Variants in TBCK observed in about 807,000 individuals in gnomAD.
TBCK encodes the protein TBC domain-containing protein kinase-like protein.
TBCK carries 99 observed loss-of-function variants against 113.4 expected under a neutral mutation model. That is an observed-to-expected ratio of 0.87 (90% CI 0.74 to 1.03). TBCK has a LOEUF of 1.03. Among genes scored for constraint, TBCK ranks in the 50% least tolerant of loss-of-function variants. The pLI, the probability that TBCK is intolerant of heterozygous loss-of-function variation, is 0.00. For missense variants in TBCK, 1,045 were observed against 1,061.3 expected (o/e 0.98, Z 0.21); for synonymous variants, 369 against 370.8 (o/e 1.00, Z 0.05).
chr4:106,235,367 C>G lies in TBCK; in HGVS notation c.1351G>C (p.Ala451Pro). 6.3e-7 allele frequency: 1 copy of G among 1,587,632 alleles called. No individual in the cohort carries two copies. The highest frequency in any genetic ancestry group is 8.6e-7 in the Non-Finnish European group (1 of 1,165,202). ...RIILFDRLLK[A>P]YPYKKNQIWK... ...ATTTGGTTTTTTTTATATGGATAAGCCTATGATATCAAAAAAGAAATGAAA... is the reference window on the plus strand; with the variant it reads ...ATTTGGTTTTTTTTATATGGATAAGGCTATGATATCAAAAAAGAAATGAAA... The change falls in exon 15 of 26, where the codon GCT becomes CCT. Residue 451 changes from alanine to proline, a missense_variant and splice_region_variant. Transcript: ENST00000394708.
rs1272537901 is a variant in TBCK, at chr4:106,316,049, A to G, written c.-148T>C. ...TACGGCTTAGTGCACCAGACGCTGC[A>G]TTTCAGGTGCTCCTACAAAAGAGGC... On this transcript the variant is annotated 5_prime_UTR_variant, in exon 1 of 26. It removes an upstream start codon present in the reference 5' UTR. Coordinates refer to ENST00000394708, the MANE Select transcript of TBCK (RefSeq NM_001163435.3). 1.3e-5 allele frequency: 2 copies of G among 153,338 alleles called. No homozygotes were observed. Among genetic ancestry groups the G allele is most frequent in the African/African-American group, 4.8e-5 (2 of 41,468 alleles). 9.5% of individuals were successfully genotyped at this position (153,338 alleles called of 1,614,324 possible). A position where few individuals can be genotyped will look rare whatever the true frequency, so the allele number is the denominator to read the frequency against.
chr4:106,245,590 C>T (rs1242147240), intron 10 of TBCK, among the ~76,000 whole-genome samples: 1 of 152,096 alleles, frequency 6.6e-6, no homozygotes, highest in Admixed American at 6.6e-5. Context: ...CTTGATATTT[C>T]CCCTCTCCTA....
At chr4:106,094,730 C>T (rs2149517310) in intron 25 of TBCK, among the ~76,000 whole-genome samples, 1 of 152,278 alleles carries the variant, frequency 6.6e-6, no homozygotes, top group Middle Eastern at 3.4e-3. Flanking sequence ...TGGGAAGGCT[C>T]AGTCCTGCTT....
intron 3 of TBCK, among the ~76,000 whole-genome samples, chr4:106,280,112 G>A (rs1196827858): frequency 2.0e-5 from 3 of 151,890 alleles, no homozygotes; most frequent in Non-Finnish European, 2.9e-5. Flanking sequence ...TCTGTCTTTT[G>A]GATTAAAGCC....
intron 2 of TBCK, among the ~76,000 whole-genome samples, chr4:106,306,713 T>C (rs1207511855): frequency 6.6e-6 from 1 of 152,178 alleles, no homozygotes; most frequent in African/African-American, 2.4e-5. Flanking sequence ...CCTTTATTAC[T>C]TTTGCTTCAA....
At chr4:106,259,894 A>G (rs1470368916) in intron 5 of TBCK, among the ~76,000 whole-genome samples, 1 of 151,964 alleles carries the variant, frequency 6.6e-6, no homozygotes, top group Admixed American at 6.6e-5. Context: ...GGAGGGCAAC[A>G]TACATCTGCA....
intron 11 of TBCK, 97 bp downstream of exon 11, chr4:106,244,527 TTA>T: frequency 9.5e-7 from 1 of 1,052,334 alleles, no homozygotes; most frequent in Non-Finnish European, 1.2e-6. Flanking sequence ...AACAACCAAT[TTA>T]AAAAAAAAAA....
At chr4:106,092,174 G>A (rs1428854830) in intron 25 of TBCK, among the ~76,000 whole-genome samples, 1 of 152,158 alleles carries the variant, frequency 6.6e-6, no homozygotes, top group Non-Finnish European at 1.5e-5. Flanking sequence ...ACAGAGTGCT[G>A]ATTGGTGCAT....
chr4:106,129,888 A>C (rs1745672194), intron 23 of TBCK, among the ~76,000 whole-genome samples: 1 of 152,184 alleles, frequency 6.6e-6, no homozygotes, highest in Admixed American at 6.5e-5. Flanking sequence ...GGGTACAGAC[A>C]ATAGGAAGAG....
intron 24 of TBCK, among the ~76,000 whole-genome samples, chr4:106,106,048 T>G (rs1742113067): frequency 6.6e-6 from 1 of 151,686 alleles, no homozygotes; most frequent in South Asian, 2.1e-4. Flanking sequence ...ATCTCACAAT[T>G]CGAAGACTGG....
intron 19 of TBCK, among the ~76,000 whole-genome samples, chr4:106,218,990 A>T (rs1462910092): frequency 6.6e-6 from 1 of 152,048 alleles, no homozygotes; most frequent in African/African-American, 2.4e-5. Context: ...ACAATGATAG[A>T]CTGGATTAAG....
intron 22 of TBCK, among the ~76,000 whole-genome samples, chr4:106,184,004 C>T (rs1752718900): frequency 6.6e-6 from 1 of 151,996 alleles, no homozygotes; most frequent in Admixed American, 6.6e-5. Context: ...ATGCCAAGAG[C>T]ATTATAATTC....
At chr4:106,049,157 A>T (rs1427618657) in intron 25 of TBCK, among the ~76,000 whole-genome samples, 1 of 152,080 alleles carries the variant, frequency 6.6e-6, no homozygotes, top group Non-Finnish European at 1.5e-5. Flanking sequence ...TTCTTTGCTC[A>T]GTTATTCGGT....
At chr4:106,198,652 C>T (rs1041064406) in intron 20 of TBCK, among the ~76,000 whole-genome samples, 1 of 152,042 alleles carries the variant, frequency 6.6e-6, no homozygotes, top group African/African-American at 2.4e-5. Flanking sequence ...TATATATAAT[C>T]ATGGTAATCA....
At chr4:106,233,197 C>T in intron 16 of TBCK, 133 bp from the exon 17 acceptor site, 6 of 876,086 alleles carry the variant, frequency 6.8e-6, no homozygotes, top group South Asian at 6.1e-5. Context: ...TTCTTAAGTG[C>T]CTAATTTTTT....
chr4:106,289,211 T>C (rs995146967), intron 3 of TBCK, among the ~76,000 whole-genome samples: 1 of 152,216 alleles, frequency 6.6e-6, no homozygotes, highest in African/African-American at 2.4e-5. Flanking sequence ...TTCTGTTCTC[T>C]TGGATAAATA....
intron 24 of TBCK, among the ~76,000 whole-genome samples, chr4:106,114,629 C>A (rs1168791829): frequency 1.3e-5 from 2 of 152,186 alleles, no homozygotes; most frequent in Non-Finnish European, 2.9e-5. Flanking sequence ...TGCATTCTTA[C>A]ATCCGTTGTT....
chr4:106,191,323 A>G (rs1753643789), intron 22 of TBCK, among the ~76,000 whole-genome samples: 1 of 152,180 alleles, frequency 6.6e-6, no homozygotes. Flanking sequence ...CTGAACTTGT[A>G]TTTCACTGAA....
At chr4:106,256,770 C>T (rs1308746248) in intron 5 of TBCK, among the ~76,000 whole-genome samples, 2 of 152,146 alleles carry the variant, frequency 1.3e-5, no homozygotes, top group Admixed American at 6.5e-5. Flanking sequence ...ATGGTAGTGG[C>T]CATCCCAGAC....
Sources: gnomAD v4.1 joint callset for allele counts (sites outside exome capture counted in the v4.1 genomes callset) on GRCh38, gnomAD v4.1.1 for gene constraint, MANE v1.5 for transcripts, NCBI Gene and HGNC (gene_info 2026-07-23, HGNC 2026-07-21) for gene names.